FRMD4A: variants seen among roughly 807,000 people sequenced by gnomAD.
FRMD4A encodes FERM domain containing 4A.
FRMD4A carries 29 observed loss-of-function variants against 129.1 expected under a neutral mutation model. The ratio of observed to expected loss-of-function variants is 0.22; its 90% CI spans 0.17 to 0.31. The LOEUF (loss-of-function observed/expected upper bound fraction) is 0.31. FRMD4A is among the 10% of genes least tolerant of loss of function. The pLI is 1.00. For synonymous variants in FRMD4A, 634 were observed against 571.6 expected (o/e 1.11, Z -1.56); for missense variants, 1,272 against 1,375.8 (o/e 0.92, Z 1.19).
At chr10:13,743,899 C>T (rs2091149571) in intron 9 of FRMD4A, among the ~76,000 whole-genome samples, 1 of 151,978 alleles carries the variant, frequency 6.6e-6, no homozygotes, top group Non-Finnish European at 1.5e-5. Flanking sequence ...TTTCCCATAC[C>T]CTAGATTTGT....
intron 2 of FRMD4A, among the ~76,000 whole-genome samples, chr10:13,980,861 C>T (rs1013336795): frequency 6.6e-6 from 1 of 152,134 alleles, no homozygotes; most frequent in Non-Finnish European, 1.5e-5. Context: ...AAAAAGCTGC[C>T]ATGAATGATC....
At chr10:14,066,045 G>A (rs868554860) in intron 2 of FRMD4A, among the ~76,000 whole-genome samples, 7 of 24,898 alleles carry the variant, frequency 2.8e-4, no homozygotes, top group Admixed American at 1.3e-3. Context: ...TGTGTGTGTC[G>A]GTAGGGGGAG....
intron 7 of FRMD4A, 27 bp downstream of exon 7, chr10:13,762,597 A>C (rs370126048): frequency 1.5e-6 from 2 of 1,360,480 alleles, no homozygotes; most frequent in African/African-American, 1.4e-5. Context: ...GCCGTGGGAC[A>C]TAAAGAGGAG....
rs148330263 is a variant in FRMD4A, at chr10:13,841,485, GAGA to G, written c.111+17359_111+17361del. Among the ~76,000 whole-genome samples, 830 of 152,290 alleles carry G rather than the reference GAGA, an allele frequency of 5.5e-3. 4 individuals carry two copies. The highest frequency in any genetic ancestry group is 0.027 in the East Asian group (138 of 5,184). On this transcript the variant is annotated intron_variant, in intron 3 of 24. Coordinates refer to ENST00000357447, the MANE Select transcript of FRMD4A (RefSeq NM_018027.5). ...GCTTGACCTCCTAACCTCTAGGGAG[GAGA>G]AGGAGACTGAAGATTGGGTCCAATC...
intron 13 of FRMD4A, among the ~76,000 whole-genome samples, chr10:13,706,787 G>A (rs1240297572): frequency 1.1e-4 from 12 of 105,452 alleles, no homozygotes; most frequent in South Asian, 3.4e-4. Flanking sequence ...CACGAGCCAG[G>A]GACACATGTG....
chr10:13,698,219 G>A (rs1021879840), intron 14 of FRMD4A, among the ~76,000 whole-genome samples: 2 of 152,174 alleles, frequency 1.3e-5, no homozygotes, highest in Non-Finnish European at 2.9e-5. Flanking sequence ...CCCTACCCTT[G>A]CTGACTCGAA....
intron 2 of FRMD4A, among the ~76,000 whole-genome samples, chr10:13,959,702 AGCTCATGCATGT>A (rs1197492200): frequency 1.3e-5 from 2 of 152,128 alleles, no homozygotes; most frequent in African/African-American, 2.4e-5. Context: ...GGCCACTCCA[AGCTCATGCATGT>A]GCTCAGTTTC....
At chr10:14,237,484 C>G (rs1214068227) in intron 2 of FRMD4A, among the ~76,000 whole-genome samples, 2 of 152,134 alleles carry the variant, frequency 1.3e-5, no homozygotes, top group African/African-American at 4.8e-5. Flanking sequence ...GCCCACACCA[C>G]AATGTCCAGC....
At chr10:13,986,429 T>C (rs1277092206) in intron 2 of FRMD4A, among the ~76,000 whole-genome samples, 19 of 139,956 alleles carry the variant, frequency 1.4e-4, no homozygotes, top group African/African-American at 4.8e-4. Context: ...TTCTCACTCA[T>C]AGATGGGAAT....
intron 3 of FRMD4A, among the ~76,000 whole-genome samples, chr10:13,832,903 G>A (rs2093812940): frequency 6.6e-6 from 1 of 152,234 alleles, no homozygotes; most frequent in Non-Finnish European, 1.5e-5. Flanking sequence ...GCCTCCTAAA[G>A]TGGGAATCGG....
chr10:14,236,035 G>A (rs1843801099), intron 2 of FRMD4A, among the ~76,000 whole-genome samples: 1 of 152,200 alleles, frequency 6.6e-6, no homozygotes, highest in African/African-American at 2.4e-5. Context: ...GAAACAGAGA[G>A]GGCTTCCTCT....
chr10:13,660,681 T>C, intron 19 of FRMD4A, 128 bp from the exon 20 acceptor site: 1 of 615,998 alleles, frequency 1.6e-6, no homozygotes. Context: ...ACCCCTGTGA[T>C]GAGAAACCCT....
intron 2 of FRMD4A, among the ~76,000 whole-genome samples, chr10:14,176,419 TA>T (rs1468644629): frequency 3.6e-5 from 5 of 140,812 alleles, no homozygotes; most frequent in Non-Finnish European, 4.6e-5. Flanking sequence ...TCCTAGGAAA[TA>T]AAAAACCAAA....
intron 12 of FRMD4A, among the ~76,000 whole-genome samples, chr10:13,735,345 T>C (rs1032029838): frequency 1.3e-5 from 2 of 152,218 alleles, no homozygotes; most frequent in Admixed American, 6.5e-5. Flanking sequence ...CCTGGAAAAC[T>C]ATATTGACCT....
chr10:14,263,885 T>C (rs575141500), intron 2 of FRMD4A, among the ~76,000 whole-genome samples: 1 of 152,192 alleles, frequency 6.6e-6, no homozygotes, highest in East Asian at 1.9e-4. Flanking sequence ...AGGAAGGCAT[T>C]TGGGGTAGAT....
intron 2 of FRMD4A, among the ~76,000 whole-genome samples, chr10:14,129,731 T>C (rs1202280827): frequency 6.6e-6 from 1 of 152,176 alleles, no homozygotes; most frequent in Non-Finnish European, 1.5e-5. Flanking sequence ...TTCCTTCATC[T>C]TTCAGGACTC....
rs569640687 is a variant in FRMD4A, at chr10:14,052,909, T to G, written c.46-193997A>C. The stretch of plus-strand genomic sequence containing the variant: ...TCAGATCTTGCCGTAACTCATAGAG[T>G]GATAACTCATTCTTTACTGCAAGGA... On this transcript the variant is annotated intron_variant, in intron 2 of 24. Coordinates refer to ENST00000357447, the MANE Select transcript of FRMD4A (RefSeq NM_018027.5). Among the ~76,000 whole-genome samples the G allele has an allele frequency of 3.9e-5, 6 of 151,920 alleles. No individual in the cohort carries two copies. The South Asian group carries it at 1.2e-3, about 32-fold the overall frequency.
intron 15 of FRMD4A, among the ~76,000 whole-genome samples, chr10:13,679,122 T>A (rs2134748189): frequency 6.6e-6 from 1 of 151,966 alleles, no homozygotes; most frequent in East Asian, 1.9e-4. Flanking sequence ...GATCCACTTT[T>A]AAAAAACACA....
Position 13,701,496 on chromosome 10 carries a change from A to G in FRMD4A, c.837-18T>C. 1 of 1,610,168 alleles carries G rather than the reference A, an allele frequency of 6.2e-7. No individual in the cohort carries two copies. Among genetic ancestry groups the G allele is most frequent in the Non-Finnish European group, 8.5e-7 (1 of 1,177,436 alleles). ...CTGAAGCCCTGGGGAAGCAAGAATC[A>G]CAAGGTTCAATCCCATTTCTGTTGA... On this transcript the variant is annotated intron_variant, in intron 13 of 24. Transcript: ENST00000357447.
Sources: allele counts gnomAD v4.1 joint callset (sites outside exome capture counted in the v4.1 genomes callset), GRCh38; gene constraint gnomAD v4.1.1; transcripts MANE v1.5; gene names NCBI Gene and HGNC (gene_info 2026-07-23, HGNC 2026-07-21).